Variants in EYS observed in about 807,000 individuals in gnomAD.
EYS encodes protein eyes shut homolog.
In EYS, 250 loss-of-function variants were observed where a neutral mutation model predicts 282.1. The ratio of observed to expected loss-of-function variants is 0.89; its 90% CI spans 0.80 to 0.98. EYS has a LOEUF of 0.98. EYS is among the 50% of genes least tolerant of loss of function. The pLI, the probability that EYS is intolerant of heterozygous loss-of-function variation, is 0.00. For missense variants in EYS, 4,016 were observed against 3,709.0 expected, an observed-to-expected ratio of 1.08 and a Z score of -2.15; for synonymous variants, 1,355 against 1,282.9, an observed-to-expected ratio of 1.06 and a Z score of -1.20.
At chr6:64,690,914 C>CA (rs1305895508) in intron 22 of EYS, among the ~76,000 whole-genome samples, 6 of 151,858 alleles carry the variant, frequency 4.0e-5, no homozygotes, top group Non-Finnish European at 8.8e-5. Flanking sequence ...ACCAACATGG[C>CA]ACATGTATAC....
intron 35 of EYS, among the ~76,000 whole-genome samples, chr6:63,974,288 A>G (rs9450478): frequency 0.35 from 53,640 of 151,896 alleles, 9,543 homozygotes; most frequent in African/African-American, 0.38. Context: ...TATTTACAAA[A>G]TAAACAGGCT....
At chr6:65,523,296 A>G (rs539753690) in intron 2 of EYS, among the ~76,000 whole-genome samples, 15 of 152,328 alleles carry the variant, frequency 9.8e-5, no homozygotes, top group African/African-American at 3.6e-4. Flanking sequence ...ATAAATTGTG[A>G]TACACACACA....
chr6:64,117,517 T>G (rs1773429092), intron 31 of EYS, among the ~76,000 whole-genome samples: 1 of 150,632 alleles, frequency 6.6e-6, no homozygotes. Flanking sequence ...AAATCAGAAA[T>G]GAAAAAATAC....
In EYS at chr6:64,777,397, T is replaced by A. The variant is rs933566097; in HGVS notation, c.3443+35981A>T. ...TGTTGGAGTGTTGAATCCAATAAAGTTAAATAAACAAAAGAAAGAAATGGC... is the reference window on the plus strand; with the variant it reads ...TGTTGGAGTGTTGAATCCAATAAAGATAAATAAACAAAAGAAAGAAATGGC... On this transcript the variant is annotated intron_variant, in intron 22 of 42. Coordinates refer to ENST00000503581, the MANE Select transcript of EYS (RefSeq NM_001142800.2). Among the ~76,000 whole-genome samples the A allele has an allele frequency of 7.9e-5, 12 of 152,184 alleles. No homozygotes were observed. In the East Asian group the frequency reaches 2.3e-3, roughly 29 times the overall value.
intron 26 of EYS, among the ~76,000 whole-genome samples, chr6:64,455,359 T>C (rs1476021641): frequency 6.6e-6 from 1 of 152,154 alleles, no homozygotes; most frequent in African/African-American, 2.4e-5. Flanking sequence ...ATAAGATTTC[T>C]TTTCTTGTTT....
In EYS at chr6:65,443,337, T is replaced by C. The variant is rs1176924737; in HGVS notation, c.863-37970A>G. ...ATATAGACATATATGCATACATGTA[T>C]GTACACATATAGACATATATGCATA... On this transcript the variant is annotated intron_variant, in intron 5 of 42. Coordinates refer to ENST00000503581, the MANE Select transcript of EYS (RefSeq NM_001142800.2). Among the ~76,000 whole-genome samples the C allele has an allele frequency of 1.6e-5, 2 of 122,794 alleles. 1 individual carries two copies. The highest frequency in any genetic ancestry group is 3.9e-5 in the Non-Finnish European group (2 of 51,944). The allele number at this position is 122,794 out of a possible 152,430, so 80.6% of individuals were successfully genotyped here. A position where few individuals can be genotyped will look rare whatever the true frequency, so the allele number is the denominator to read the frequency against.
intron 31 of EYS, among the ~76,000 whole-genome samples, chr6:64,136,157 A>G (rs1046465705): frequency 2.0e-5 from 3 of 150,652 alleles, no homozygotes; most frequent in Admixed American, 6.6e-5. Context: ...AAAAAAAAAA[A>G]CCACCTTGTT....
At chr6:65,550,157 T>TCATGGCATCTCAAAC (rs1490044785) in intron 2 of EYS, among the ~76,000 whole-genome samples, 2 of 8,544 alleles carry the variant, frequency 2.3e-4, no homozygotes, top group South Asian at 5.4e-3. Flanking sequence ...TTTTTTTTTT[T>TCATGGCATCTCAAAC]TTTTTTTTTT....
intron 14 of EYS, among the ~76,000 whole-genome samples, chr6:64,973,670 G>A (rs1418433800): frequency 6.6e-6 from 1 of 151,910 alleles, no homozygotes; most frequent in African/African-American, 2.4e-5. Context: ...GATTCATGGA[G>A]CATTTATTAA....
intron 5 of EYS, among the ~76,000 whole-genome samples, chr6:65,411,755 T>C (rs1361319543): frequency 2.0e-5 from 3 of 152,064 alleles, no homozygotes; most frequent in Admixed American, 6.6e-5. Context: ...ATTGTCTTTT[T>C]TGTCCCTCTT....
intron 34 of EYS, among the ~76,000 whole-genome samples, chr6:63,986,847 T>C (rs1562134096): frequency 6.6e-6 from 1 of 151,604 alleles, no homozygotes; most frequent in African/African-American, 2.4e-5. Context: ...AATTCCCAGG[T>C]GATGAAATAA....
In EYS at chr6:63,935,120, G is replaced by A. The variant is rs114407985; in HGVS notation, c.7055+49263C>T. On this transcript the variant is annotated intron_variant, in intron 35 of 42. Transcript: ENST00000503581. Reference sequence around the variant, plus strand: ...GTCTTCATGGAAATTTTTCCAGAGTGTAACACACATGATTTTTGAGTAGTT... The same window carrying A: ...GTCTTCATGGAAATTTTTCCAGAGTATAACACACATGATTTTTGAGTAGTT... Among the ~76,000 whole-genome samples the A allele has an allele frequency of 2.7e-3, 408 of 152,268 alleles. 2 individuals carry two copies. The highest frequency in any genetic ancestry group is 9.4e-3 in the African/African-American group (389 of 41,548).
chr6:64,112,581 A>T (rs1316882189), intron 31 of EYS, among the ~76,000 whole-genome samples: 1 of 151,822 alleles, frequency 6.6e-6, no homozygotes, highest in African/African-American at 2.4e-5. Flanking sequence ...ACAACATTAT[A>T]CATTGACAAC....
At position 65,080,295 on chromosome 6, in the gene EYS, G is replaced by A. The variant is rs140561824; in HGVS notation, c.2024-22568C>T. Among the ~76,000 whole-genome samples, 9 of 152,194 alleles carry A rather than the reference G, an allele frequency of 5.9e-5. No homozygotes were observed. In the East Asian group the frequency reaches 1.7e-3, roughly 29 times the overall value. On this transcript the variant is annotated intron_variant, in intron 12 of 42. Coordinates refer to ENST00000503581, the MANE Select transcript of EYS (RefSeq NM_001142800.2). Reference sequence around the variant, plus strand: ...CTGTGAGTACAGTGTGAATGATCTGGAAAGATAAAGAGAAAGGTAGTAACA... The same window carrying A: ...CTGTGAGTACAGTGTGAATGATCTGAAAAGATAAAGAGAAAGGTAGTAACA...
intron 31 of EYS, among the ~76,000 whole-genome samples, chr6:64,223,754 A>T (rs1766173277): frequency 6.6e-6 from 1 of 152,068 alleles, no homozygotes; most frequent in African/African-American, 2.4e-5. Context: ...CACGTAATGT[A>T]TATAATAATT....
chr6:64,901,042 C>T (rs1442588438), intron 18 of EYS, among the ~76,000 whole-genome samples: 1 of 75,530 alleles, frequency 1.3e-5, no homozygotes, highest in Non-Finnish European at 2.4e-5. Flanking sequence ...ACATATACAC[C>T]ATGAAATACT....
intron 14 of EYS, among the ~76,000 whole-genome samples, chr6:64,995,318 C>T (rs1358433888): frequency 6.6e-6 from 1 of 152,172 alleles, no homozygotes; most frequent in Admixed American, 6.5e-5. Flanking sequence ...ACCTGGAAGA[C>T]TGTACCTGCT....
At chr6:65,644,260 G>C (rs2149815005) in intron 1 of EYS, among the ~76,000 whole-genome samples, 1 of 152,238 alleles carries the variant, frequency 6.6e-6, no homozygotes, top group African/African-American at 2.4e-5. Context: ...TACACTTAGA[G>C]AAATCCAAAG....
intron 33 of EYS, among the ~76,000 whole-genome samples, chr6:64,001,899 G>A (rs961853782): frequency 6.6e-6 from 1 of 152,198 alleles, no homozygotes; most frequent in South Asian, 2.1e-4. Context: ...GTAGAGAAGG[G>A]CAGGGTCCCT....
Sources: gnomAD v4.1 joint callset for allele counts (sites outside exome capture counted in the v4.1 genomes callset) on GRCh38, gnomAD v4.1.1 for gene constraint, MANE v1.5 for transcripts, NCBI Gene and HGNC (gene_info 2026-07-23, HGNC 2026-07-21) for gene names.